The following CHN2 variants were observed in gnomAD, a reference collection of about 807,000 sequenced individuals.
CHN2 encodes the protein chimerin 2.
In CHN2, 35 loss-of-function variants were observed where a neutral mutation model predicts 56.3. The observed-to-expected ratio is 0.62, with a 90% CI of 0.47 to 0.82. The LOEUF (loss-of-function observed/expected upper bound fraction) is 0.82. Among genes scored for constraint, CHN2 ranks in the 40% least tolerant of loss-of-function variants. The pLI, the probability that CHN2 is intolerant of heterozygous loss-of-function variation, is 0.00. For synonymous variants in CHN2, 210 were observed against 212.8 expected (o/e 0.99, Z 0.12); for missense variants, 491 against 580.5 (o/e 0.85, Z 1.58).
At chr7:29,397,301 C>T (rs531439028) in intron 4 of CHN2, 22 of 152,348 alleles carry the variant, frequency 1.4e-4, no homozygotes, top group Non-Finnish European at 2.4e-4. Flanking sequence ...TGTACTCTAA[C>T]TTAATCTTTG....
chr7:29,223,071 G>A (rs917499447), intron 1 of CHN2, among the ~76,000 whole-genome samples: 6 of 152,086 alleles, frequency 3.9e-5, no homozygotes, highest in African/African-American at 1.2e-4. Context: ...TCAGAGAAGA[G>A]AATATCACAG....
At chr7:29,324,022 C>CA (rs970333045) in intron 1 of CHN2, among the ~76,000 whole-genome samples, 30 of 144,368 alleles carry the variant, frequency 2.1e-4, no homozygotes, top group African/African-American at 5.4e-4. Context: ...AAAACAAAAC[C>CA]AAAAAAAAGA....
exon 1 of CHN2, chr7:29,146,672 A>G (rs1235794323): frequency 1.3e-6 from 2 of 1,550,532 alleles, no homozygotes; most frequent in African/African-American, 1.4e-5. Context: ...AGCGCTTCCC[A>G]TGCTGGAAGA....
chr7:29,286,212 CTT>C (rs57926463), intron 1 of CHN2, among the ~76,000 whole-genome samples: 5 of 133,464 alleles, frequency 3.7e-5, no homozygotes, highest in African/African-American at 1.1e-4. Flanking sequence ...TCTCTCTCAT[CTT>C]TTTTTTTTTT....
chr7:29,326,381 C>T (rs1039615858), intron 1 of CHN2, among the ~76,000 whole-genome samples: 2 of 152,302 alleles, frequency 1.3e-5, no homozygotes, highest in East Asian at 3.9e-4. Flanking sequence ...TGGTCTTGAT[C>T]TCCTGACCTT....
intron 6 of CHN2, among the ~76,000 whole-genome samples, chr7:29,479,024 G>C (rs180963291): frequency 6.6e-6 from 1 of 152,238 alleles, no homozygotes; most frequent in East Asian, 1.9e-4. Flanking sequence ...CTACATAAAG[G>C]CCCAGTTATC....
At position 29,146,650 on chromosome 7, in the gene CHN2, C is replaced by T. The variant is rs1239091338; in HGVS notation, c.67C>T (p.Pro23Ser). Reference sequence around the variant, plus strand: ...CAACCTCCTGGTCCCAGAAACCTGGCCGCATCAAGTCAGCGCTTCCCATGC... The same window carrying T: ...CAACCTCCTGGTCCCAGAAACCTGGTCGCATCAAGTCAGCGCTTCCCATGC... The change falls in exon 1 of 7, where the codon CCG (proline) becomes TCG (serine). Residue 23 changes from proline to serine, a missense_variant. By Grantham distance (74) the Pro-to-Ser change is moderately conservative (BLOSUM62 -1). Coordinates refer to the CHN2 transcript ENST00000439384. 1.9e-6 allele frequency: 3 copies of T among 1,550,466 alleles called. No homozygotes were observed. The African/African-American group carries it at 4.1e-5, about 21-fold the overall frequency.
intron 1 of CHN2, among the ~76,000 whole-genome samples, chr7:29,268,220 TGTTA>T (rs1357927919): frequency 6.6e-6 from 1 of 150,906 alleles, no homozygotes; most frequent in East Asian, 2.0e-4. Context: ...AAGTGTAAAT[TGTTA>T]GTTTATCAGC....
chr7:29,220,032 G>A (rs979678218), intron 1 of CHN2, among the ~76,000 whole-genome samples: 24 of 151,874 alleles, frequency 1.6e-4, no homozygotes, highest in Middle Eastern at 3.4e-3. Context: ...CTGAGATTGC[G>A]CCATTGCACC....
intron 12 of CHN2, among the ~76,000 whole-genome samples, chr7:29,512,139 TC>T (rs1308766994): frequency 6.6e-6 from 1 of 150,696 alleles, no homozygotes; most frequent in African/African-American, 2.5e-5. Context: ...GCCCTTCCCT[TC>T]CCACTCTCCA....
At position 29,502,004 on chromosome 7, in the gene CHN2, G is replaced by T. The variant is rs1471584477; in HGVS notation, c.913+1964G>T. Among the ~76,000 whole-genome samples the T allele has an allele frequency of 2.0e-5, 3 of 152,236 alleles. No homozygotes were observed. The South Asian group carries it at 6.2e-4, about 32-fold the overall frequency. ...TCAACTGTACCTCATAAGGTGGTTG[G>T]TGAGGATTAAAGTGACTTGATACAT... On this transcript the variant is annotated intron_variant, in intron 9 of 12. Coordinates refer to ENST00000222792, the MANE Select transcript of CHN2 (RefSeq NM_004067.4).
intron 5 of CHN2, chr7:29,400,325 T>C: frequency 3.4e-6 from 2 of 580,592 alleles, no homozygotes; most frequent in South Asian, 4.6e-5. Flanking sequence ...GGAACCGCCA[T>C]CTCTTCAAGC....
intron 1 of CHN2, among the ~76,000 whole-genome samples, chr7:29,293,992 G>C (rs1383111195): frequency 6.7e-6 from 1 of 148,582 alleles, no homozygotes; most frequent in Non-Finnish European, 1.5e-5. Context: ...TCAGCCTCCC[G>C]AGTAGCTGGG....
intron 2 of CHN2, among the ~76,000 whole-genome samples, chr7:29,169,433 G>A (rs1475431819): frequency 6.6e-6 from 1 of 151,892 alleles, no homozygotes; most frequent in African/African-American, 2.4e-5. Context: ...TACCATTAGT[G>A]ATTTGTCCTA....
At chr7:29,252,588 T>TTTGTTTTGTTTTG (rs1584873589) in intron 1 of CHN2, among the ~76,000 whole-genome samples, 2 of 34,392 alleles carry the variant, frequency 5.8e-5, no homozygotes, top group African/African-American at 5.1e-4. Context: ...GTTTTTTTTT[T>TTTGTTTTGTTTTG]TTTTTTTTTT....
chr7:29,337,747 T>A (rs974359635), intron 1 of CHN2, among the ~76,000 whole-genome samples: 1 of 152,236 alleles, frequency 6.6e-6, no homozygotes, highest in Non-Finnish European at 1.5e-5. Context: ...TGTGAGGGAT[T>A]GTTTCGGCTG....
At chr7:29,426,353 A>G (rs891406215) in intron 6 of CHN2, among the ~76,000 whole-genome samples, 2 of 151,910 alleles carry the variant, frequency 1.3e-5, no homozygotes, top group African/African-American at 2.4e-5. Flanking sequence ...TAGTAGTTTA[A>G]AGTTGCCAGT....
At chr7:29,214,082 A>T (rs1417213451) in intron 1 of CHN2, among the ~76,000 whole-genome samples, 2 of 152,206 alleles carry the variant, frequency 1.3e-5, no homozygotes, top group Non-Finnish European at 2.9e-5. Flanking sequence ...GATGCTGCTA[A>T]AGCCCCCTGG....
intron 3 of CHN2, among the ~76,000 whole-genome samples, chr7:29,380,560 A>C (rs933316394): frequency 2.0e-5 from 3 of 152,192 alleles, no homozygotes; most frequent in Non-Finnish European, 4.4e-5. Context: ...TTTCTAGGAG[A>C]GAGAGAAAAA....
Sources: gnomAD v4.1 joint callset for allele counts (sites outside exome capture counted in the v4.1 genomes callset) on GRCh38, gnomAD v4.1.1 for gene constraint, MANE v1.5 for transcripts, NCBI Gene and HGNC (gene_info 2026-07-23, HGNC 2026-07-21) for gene names.